Variants in DKK3 observed in about 807,000 individuals in gnomAD.
DKK3 encodes dickkopf Wnt signaling pathway inhibitor 3.
In DKK3, 22 loss-of-function variants were observed where a neutral mutation model predicts 33.2. The ratio of observed to expected loss-of-function variants is 0.66; its 90% CI spans 0.47 to 0.95. The LOEUF is 0.95. Among genes scored for constraint, DKK3 ranks in the 40% least tolerant of loss-of-function variants. DKK3 has a pLI of 0.00. For missense variants in DKK3, 398 were observed against 458.4 expected, an observed-to-expected ratio of 0.87 and a Z score of 1.20; for synonymous variants, 194 against 188.8, an observed-to-expected ratio of 1.03 and a Z score of -0.23.
chr11:11,968,193 CT>C (rs1367042240), intron 4 of DKK3, among the ~76,000 whole-genome samples: 10 of 152,178 alleles, frequency 6.6e-5, no homozygotes, highest in Admixed American at 2.6e-4. Context: ...GGCCCTGGGT[CT>C]GCAGATGGCT....
chr11:11,984,662 A>G (rs913874566), intron 3 of DKK3, among the ~76,000 whole-genome samples: 6 of 151,496 alleles, frequency 4.0e-5, no homozygotes, highest in African/African-American at 1.5e-4. Context: ...CTTTAAAAAA[A>G]AAAAAAAAAA....
chr11:12,009,130 TCAG>T, upstream of DKK3: 1 of 982,140 alleles, frequency 1.0e-6, no homozygotes, highest in Non-Finnish European at 1.2e-6. Flanking sequence ...GAGGCTGAGC[TCAG>T]CAGAGTCGTC....
chr11:11,971,238 C>A (rs1046396051), intron 3 of DKK3, among the ~76,000 whole-genome samples: 1 of 152,132 alleles, frequency 6.6e-6, no homozygotes. Context: ...CCAGAGGGAA[C>A]TGATTATTGT....
At chr11:11,996,151 A>G (rs950895370) in intron 3 of DKK3, among the ~76,000 whole-genome samples, 1 of 152,064 alleles carries the variant, frequency 6.6e-6, no homozygotes, top group African/African-American at 2.4e-5. Context: ...GCCATGGCAA[A>G]TCTCCCTCTT....
At chr11:11,991,381 G>A (rs753767535) in intron 3 of DKK3, among the ~76,000 whole-genome samples, 6 of 152,150 alleles carry the variant, frequency 3.9e-5, no homozygotes, top group Non-Finnish European at 5.9e-5. Flanking sequence ...TCCCTTATGA[G>A]TGGCTTGCTG....
intron 1 of DKK3, among the ~76,000 whole-genome samples, chr11:12,002,653 T>A (rs886559936): frequency 2.1e-4 from 32 of 152,112 alleles, no homozygotes; most frequent in Admixed American, 1.3e-4. Flanking sequence ...GGGAGGTGGG[T>A]GTTAATGTCC....
chr11:11,989,941 T>G (rs1221060617), intron 3 of DKK3, among the ~76,000 whole-genome samples: 4 of 152,128 alleles, frequency 2.6e-5, no homozygotes, highest in African/African-American at 9.7e-5. Context: ...ATGTGGATCG[T>G]GTGAAGGAAT....
intron 3 of DKK3, among the ~76,000 whole-genome samples, chr11:11,983,916 A>T (rs1848009318): frequency 6.6e-6 from 1 of 152,198 alleles, no homozygotes; most frequent in Non-Finnish European, 1.5e-5. Flanking sequence ...GATTCAAACC[A>T]CCTGAATGGG....
chr11:11,979,819 A>G (rs1428648984), intron 3 of DKK3: 1 of 152,272 alleles, frequency 6.6e-6, no homozygotes, highest in Non-Finnish European at 1.5e-5. Flanking sequence ...GTCCCTGATC[A>G]TAATTGTTCA....
At chr11:11,970,118 T>C (rs1847692650) in intron 3 of DKK3, among the ~76,000 whole-genome samples, 1 of 152,022 alleles carries the variant, frequency 6.6e-6, no homozygotes, top group Admixed American at 6.5e-5. Flanking sequence ...CAAAGCAGAA[T>C]GGCAAGAAAA....
intron 3 of DKK3, among the ~76,000 whole-genome samples, chr11:11,988,597 C>T (rs1254392635): frequency 6.6e-6 from 1 of 152,184 alleles, no homozygotes; most frequent in African/African-American, 2.4e-5. Flanking sequence ...GCCTGAGTCC[C>T]CCATAGGACC....
At position 11,963,506 on chromosome 11, in the gene DKK3, G is replaced by A. The variant is rs979425513; in HGVS notation, c.*958C>T. 2 of 152,248 alleles carry A rather than the reference G, an allele frequency of 1.3e-5. No homozygotes were observed. Among genetic ancestry groups the A allele is most frequent in the African/African-American group, 4.8e-5 (2 of 41,460 alleles). 9.4% of individuals were successfully genotyped at this position (152,248 alleles called of 1,614,324 possible). ...CAAAGTTACTAATGCAACTGCCAAA[G>A]AGGGACAGTGTCAATATCATTGTCT... On this transcript the variant is annotated 3_prime_UTR_variant, in exon 7 of 7. Coordinates refer to ENST00000683431, the MANE Select transcript of DKK3 (RefSeq NM_001018057.2).
chr11:11,963,387 A>T lies in DKK3; in HGVS notation c.*1077T>A, dbSNP rs969637581. ...AATTGTCTTCAGTTGCTGCTAAGTG[A>T]TTTTGCAAATTTCATTTATAATCCT... On this transcript the variant is annotated 3_prime_UTR_variant, in exon 7 of 7. Coordinates refer to ENST00000683431, the MANE Select transcript of DKK3 (RefSeq NM_001018057.2). 11 of 152,338 alleles carry T rather than the reference A, an allele frequency of 7.2e-5. No individual in the cohort carries two copies. The highest frequency in any genetic ancestry group is 7.2e-4 in the Admixed American group (11 of 15,298). The allele number at this position is 152,338 out of a possible 1,614,324, so 9.4% of individuals were successfully genotyped here.
intron 2 of DKK3, among the ~76,000 whole-genome samples, chr11:11,999,579 C>T (rs781562474): frequency 6.6e-6 from 1 of 152,166 alleles, no homozygotes; most frequent in Non-Finnish European, 1.5e-5. Flanking sequence ...GAGCCGAAAT[C>T]GTGCCACTGC....
chr11:11,995,576 T>C (rs1481221052), intron 3 of DKK3, among the ~76,000 whole-genome samples: 1 of 152,242 alleles, frequency 6.6e-6, no homozygotes, highest in Admixed American at 6.5e-5. Context: ...AGAGGATGTG[T>C]GCCATCAAAA....
chr11:11,986,948 G>T (rs962998919), intron 3 of DKK3, among the ~76,000 whole-genome samples: 1 of 152,196 alleles, frequency 6.6e-6, no homozygotes, highest in Non-Finnish European at 1.5e-5. Flanking sequence ...AAACAAATCA[G>T]ACTCATTTAC....
Position 11,964,475 on chromosome 11 carries a change from C to T in DKK3, c.1042G>A (p.Glu348Lys). Reference protein sequence around the residue: ...AAAAAALLGGEEI With the variant: ...AAAAAALLGGKEI ...AGCCTGGTCCAGATCTAAATCTCTT[C>T]CCCTCCCAGCAGTGCAGCGGCGGCA... The change falls in exon 7 of 7, where the codon GAA becomes AAA. Residue 348 changes from glutamate to lysine, a missense_variant. Coordinates refer to ENST00000683431, the MANE Select transcript of DKK3 (RefSeq NM_001018057.2). 1 of 1,611,846 alleles carries T rather than the reference C, an allele frequency of 6.2e-7. No homozygotes were observed. Among genetic ancestry groups the T allele is most frequent in the Non-Finnish European group, 8.5e-7 (1 of 1,179,972 alleles).
chr11:11,982,131 T>C (rs374360063), intron 3 of DKK3, among the ~76,000 whole-genome samples: 43 of 152,260 alleles, frequency 2.8e-4, no homozygotes, highest in African/African-American at 1.0e-3. Context: ...AGCAGACATC[T>C]GGAGCTGCCT....
chr11:11,982,946 T>C (rs1447171842), intron 3 of DKK3, among the ~76,000 whole-genome samples: 1 of 152,160 alleles, frequency 6.6e-6, no homozygotes, highest in Non-Finnish European at 1.5e-5. Context: ...CCTTCATTCA[T>C]GCAAGGGAAG....
Sources: allele counts gnomAD v4.1 joint callset (sites outside exome capture counted in the v4.1 genomes callset), GRCh38; gene constraint gnomAD v4.1.1; transcripts MANE v1.5; gene names NCBI Gene and HGNC (gene_info 2026-07-23, HGNC 2026-07-21).